The following NXN variants were observed in gnomAD, a reference collection of about 807,000 sequenced individuals.
NXN encodes nucleoredoxin, also known as nucleoredoxin 1.
NXN carries 16 observed loss-of-function variants against 48.6 expected under a neutral mutation model. The ratio of observed to expected loss-of-function variants is 0.33; its 90% CI spans 0.22 to 0.50. The LOEUF is 0.50. Among genes scored for constraint, NXN ranks in the 20% least tolerant of loss-of-function variants. The pLI, the probability that NXN is intolerant of heterozygous loss-of-function variation, is 0.98. For synonymous variants in NXN, 281 were observed against 269.6 expected (o/e 1.04, Z -0.41); for missense variants, 492 against 605.5 (o/e 0.81, Z 1.97).
At chr17:868,529 T>C (rs1254558351) in intron 1 of NXN, among the ~76,000 whole-genome samples, 1 of 152,162 alleles carries the variant, frequency 6.6e-6, no homozygotes, top group African/African-American at 2.4e-5. Context: ...TCTCGCTCTG[T>C]CGCCCAGGCT....
chr17:878,403 G>A (rs1384222109), intron 1 of NXN: 1 of 135,102 alleles, frequency 7.4e-6, no homozygotes, highest in Non-Finnish European at 1.6e-5. Flanking sequence ...CTTGAAGGTG[G>A]GGTTTGGGGG....
At chr17:853,723 A>ATATATATTT (rs1491528474) in intron 1 of NXN, among the ~76,000 whole-genome samples, 13 of 105,974 alleles carry the variant, frequency 1.2e-4, no homozygotes, top group African/African-American at 5.6e-4. Context: ...ATATATATAT[A>ATATATATTT]TTTTTTTTTT....
intron 1 of NXN, among the ~76,000 whole-genome samples, chr17:928,144 G>A (rs117291993): frequency 1.5e-3 from 222 of 152,246 alleles, no homozygotes; most frequent in Non-Finnish European, 2.3e-3. Flanking sequence ...ATAAGCATGC[G>A]TCACTAGGAA....
chr17:808,023 C>T (rs982749211), intron 5 of NXN, among the ~76,000 whole-genome samples: 2 of 152,178 alleles, frequency 1.3e-5, no homozygotes, highest in African/African-American at 4.8e-5. Context: ...TGGGGGTCAC[C>T]CAGCCAGGCA....
Position 979,598 on chromosome 17 carries a change from GC to G in NXN, c.80del (p.Gly27AlafsTer109). 1 of 1,449,994 alleles carries G rather than the reference GC, an allele frequency of 6.9e-7. No individual in the cohort carries two copies. Among genetic ancestry groups the G allele is most frequent in the Non-Finnish European group, 9.1e-7 (1 of 1,100,980 alleles). 89.8% of individuals were successfully genotyped at this position (1,449,994 alleles called of 1,614,324 possible). ...GGEEVDVHSLGARGISLLGLY... is the reference protein window; with the variant it reads ...GGEEVDVHSLXARGISLLGLY... ...GACCCAGCAGCGAGATGCCGCGGGC[GC>G]CCAGCGAGTGCACGTCCACCTCCTC... is the stretch of plus-strand genomic sequence containing the variant. On this transcript the variant is annotated frameshift_variant, in exon 1 of 8. Coordinates refer to ENST00000336868, the MANE Select transcript of NXN (RefSeq NM_022463.5). LOFTEE classifies it high-confidence loss of function.
intron 1 of NXN, among the ~76,000 whole-genome samples, chr17:873,263 G>C (rs575966994): frequency 6.6e-6 from 1 of 151,978 alleles, no homozygotes; most frequent in South Asian, 2.1e-4. Context: ...GTGGGAGGCC[G>C]AGGAGGGTGG....
intron 1 of NXN, among the ~76,000 whole-genome samples, chr17:853,317 G>C (rs867217454): frequency 2.6e-5 from 4 of 151,920 alleles, no homozygotes; most frequent in African/African-American, 9.7e-5. Context: ...GGTGGTGCAC[G>C]CACGCCTGTA....
In NXN at chr17:830,983, A is replaced by G. The variant is rs956555957; in HGVS notation, c.361-4905T>C. 1.4e-5 allele frequency among the ~76,000 whole-genome samples: 2 copies of G among 146,608 alleles called. No homozygotes were observed. Among genetic ancestry groups the G allele is most frequent in the East Asian group, 2.0e-4 (1 of 4,910 alleles). Reference sequence around the variant, plus strand: ...CTATTGCACTCCAGCCTGGGCAACAAGAGCGAAACTCCGTCTCAAAAAAAA... The same window carrying G: ...CTATTGCACTCCAGCCTGGGCAACAGGAGCGAAACTCCGTCTCAAAAAAAA... On this transcript the variant is annotated intron_variant, in intron 1 of 7. Transcript: ENST00000336868. This position sits in a 1 kb window ranked among gnomAD's most constrained non-coding sequence, Gnocchi z 4.2.
chr17:832,286 T>C (rs1913520222), intron 1 of NXN, among the ~76,000 whole-genome samples: 1 of 151,616 alleles, frequency 6.6e-6, no homozygotes, highest in African/African-American at 2.4e-5. Context: ...CACACCATTC[T>C]CCTGCCTCAG....
intron 1 of NXN, among the ~76,000 whole-genome samples, chr17:826,751 A>G (rs1222056967): frequency 6.6e-6 from 1 of 151,762 alleles, no homozygotes; most frequent in Non-Finnish European, 1.5e-5. Context: ...CAGCCCACAA[A>G]GCACCAGGGA....
chr17:961,007 A>T (rs563731342), intron 1 of NXN, among the ~76,000 whole-genome samples: 248 of 146,374 alleles, frequency 1.7e-3, no homozygotes, highest in Admixed American at 2.5e-3. Context: ...GATAGTCTCG[A>T]TCTCCTGACC....
intron 7 of NXN, among the ~76,000 whole-genome samples, chr17:802,567 G>A (rs1267864778): frequency 6.6e-6 from 1 of 152,248 alleles, no homozygotes; most frequent in Non-Finnish European, 1.5e-5. Flanking sequence ...CTGTGCTGCA[G>A]CCATCTTTTC....
intron 1 of NXN, among the ~76,000 whole-genome samples, chr17:922,369 G>A (rs765234863): frequency 9.9e-5 from 15 of 152,082 alleles, no homozygotes; most frequent in South Asian, 2.1e-4. Context: ...ACTTGAACCC[G>A]GGAGGCAGAG....
At chr17:951,327 G>A (rs975808668) in intron 1 of NXN, among the ~76,000 whole-genome samples, 5 of 149,590 alleles carry the variant, frequency 3.3e-5, no homozygotes, top group East Asian at 2.0e-4. Flanking sequence ...TCCAACCTGA[G>A]TGACAGAGTG....
At position 854,475 on chromosome 17, in the gene NXN, T is replaced by G. The variant is rs796274172; in HGVS notation, c.361-28397A>C. Among the ~76,000 whole-genome samples the G allele has an allele frequency of 6.1e-5, 9 of 147,202 alleles. No homozygotes were observed. In the South Asian group the frequency reaches 8.7e-4, roughly 14 times the overall value. Reference sequence around the variant, plus strand: ...CATCCTGGCTAACACGGTGAAACCCTGTCTCTACTAAAAAAAAAAAATACA... The same window carrying G: ...CATCCTGGCTAACACGGTGAAACCCGGTCTCTACTAAAAAAAAAAAATACA... On this transcript the variant is annotated intron_variant, in intron 1 of 7. Coordinates refer to ENST00000336868, the MANE Select transcript of NXN (RefSeq NM_022463.5).
At chr17:828,883 T>C (rs1913288929) in intron 1 of NXN, among the ~76,000 whole-genome samples, 1 of 146,852 alleles carries the variant, frequency 6.8e-6, no homozygotes, top group Admixed American at 6.9e-5. Flanking sequence ...ATTAAAATGA[T>C]TGAATTTTTC....
chr17:972,635 A>G (rs374902187), intron 1 of NXN, among the ~76,000 whole-genome samples: 1 of 152,200 alleles, frequency 6.6e-6, no homozygotes, highest in African/African-American at 2.4e-5. Context: ...AAGATCCCCA[A>G]GGGGTTTGTT....
Position 978,791 on chromosome 17 carries a change from G to T in NXN, c.360+528C>A, listed in dbSNP as rs1482782413. Reference sequence around the variant, plus strand: ...CGGGAAGGCAGGTTTCTCCCGGAAAGAAAGGAAACGCGCTGGTTTGGGCGC... The same window carrying T: ...CGGGAAGGCAGGTTTCTCCCGGAAATAAAGGAAACGCGCTGGTTTGGGCGC... On this transcript the variant is annotated intron_variant, in intron 1 of 7. Transcript: ENST00000336868. This position sits in a 1 kb window ranked among gnomAD's most constrained non-coding sequence, Gnocchi z 4.1. 6.6e-6 allele frequency among the ~76,000 whole-genome samples: 1 copy of T among 152,136 alleles called. No individual in the cohort carries two copies. The highest frequency in any genetic ancestry group is 2.1e-4 in the South Asian group (1 of 4,828).
intron 1 of NXN, among the ~76,000 whole-genome samples, chr17:930,792 A>G (rs1330321475): frequency 3.4e-5 from 5 of 148,130 alleles, no homozygotes; most frequent in Non-Finnish European, 7.4e-5. Context: ...TTTTTTTTAG[A>G]CAGAATCTCG....
Sources: gnomAD v4.1 joint callset for allele counts (sites outside exome capture counted in the v4.1 genomes callset) on GRCh38, gnomAD v4.1.1 for gene constraint, Gnocchi (gnomAD v3.1) non-coding constraint, MANE v1.5 for transcripts, NCBI Gene and HGNC (gene_info 2026-07-23, HGNC 2026-07-21) for gene names.